TACR3: variants seen among roughly 807,000 people sequenced by gnomAD.
TACR3 encodes the protein tachykinin receptor 3.
A neutral mutation model predicts 35.0 loss-of-function variants in TACR3; 34 were observed. That is an observed-to-expected ratio of 0.97 (90% CI 0.74 to 1.30). The LOEUF is 1.30. TACR3 is among the 50% of genes most tolerant of loss of function. The probability of loss-of-function intolerance (pLI) is 0.00; values close to 1 mark genes in which losing one functional copy is unlikely to be tolerated. For missense variants in TACR3, 558 were observed against 591.7 expected (o/e 0.94, Z 0.59); for synonymous variants, 233 against 221.1 (o/e 1.05, Z -0.48).
At chr4:103,595,900 C>A (rs1320815557) in intron 3 of TACR3, among the ~76,000 whole-genome samples, 14 of 114,652 alleles carry the variant, frequency 1.2e-4, no homozygotes, top group African/African-American at 3.6e-4. Flanking sequence ...TCCCTCCCCC[C>A]TCCCCCCACC....
At chr4:103,597,436 G>T (rs1560799816) in intron 3 of TACR3, among the ~76,000 whole-genome samples, 1 of 152,012 alleles carries the variant, frequency 6.6e-6, no homozygotes, top group Non-Finnish European at 1.5e-5. Flanking sequence ...TGCTTGTTTT[G>T]ATTAGAATCC....
intron 3 of TACR3, among the ~76,000 whole-genome samples, chr4:103,630,901 T>C (rs1257199549): frequency 3.9e-5 from 6 of 152,166 alleles, no homozygotes; most frequent in Non-Finnish European, 7.3e-5. Context: ...CGTGGCACTA[T>C]TCACAATAGC....
intron 4 of TACR3, chr4:103,591,167 T>A: frequency 2.8e-6 from 1 of 356,838 alleles, no homozygotes; most frequent in East Asian, 5.8e-5. Context: ...ATATTTTCAA[T>A]TCTCCTTTAA....
At chr4:103,592,520 A>G (rs1408602709) in intron 3 of TACR3, among the ~76,000 whole-genome samples, 1 of 152,214 alleles carries the variant, frequency 6.6e-6, no homozygotes, top group African/African-American at 2.4e-5. Context: ...AGCATCTATC[A>G]CAGTCCTTGA....
At chr4:103,695,256 C>T (rs879728325) in intron 1 of TACR3, among the ~76,000 whole-genome samples, 18 of 152,060 alleles carry the variant, frequency 1.2e-4, no homozygotes, top group Non-Finnish European at 1.5e-4. Context: ...TCCACTTATA[C>T]GCGGATTGTT....
intron 3 of TACR3, among the ~76,000 whole-genome samples, chr4:103,614,884 G>GT (rs71580414): frequency 0.041 from 2,963 of 72,004 alleles, 977 homozygotes; most frequent in African/African-American, 0.077. Flanking sequence ...TTATGAATGT[G>GT]TTTTTTTTTT....
chr4:103,620,490 A>T (rs1172084852), intron 3 of TACR3, among the ~76,000 whole-genome samples: 1 of 152,242 alleles, frequency 6.6e-6, no homozygotes, highest in African/African-American at 2.4e-5. Flanking sequence ...AAGACATGTG[A>T]TCAACCCTGG....
intron 3 of TACR3, among the ~76,000 whole-genome samples, chr4:103,611,793 A>G (rs11722288): frequency 0.72 from 109,676 of 152,062 alleles, 39,934 homozygotes; most frequent in East Asian, 0.98. Flanking sequence ...AAGTGTCATC[A>G]TCATCTATCT....
chr4:103,609,087 G>A (rs180738562), intron 3 of TACR3, among the ~76,000 whole-genome samples: 4 of 152,068 alleles, frequency 2.6e-5, no homozygotes, highest in African/African-American at 7.2e-5. Context: ...GCTGCCTCTA[G>A]GGTGGCCAAA....
intron 3 of TACR3, among the ~76,000 whole-genome samples, chr4:103,641,772 A>G (rs905218612): frequency 6.6e-6 from 1 of 152,002 alleles, no homozygotes; most frequent in Non-Finnish European, 1.5e-5. Context: ...GCATATACAC[A>G]CAATGAAATA....
intron 2 of TACR3, among the ~76,000 whole-genome samples, chr4:103,657,206 C>T (rs992769316): frequency 1.4e-5 from 2 of 142,194 alleles, no homozygotes; most frequent in African/African-American, 2.9e-5. Context: ...GAACGGTCTT[C>T]TCCATACCAG....
In TACR3 at chr4:103,671,376, T is replaced by C. The variant is rs901848238; in HGVS notation, c.549-12973A>G. On this transcript the variant is annotated intron_variant, in intron 1 of 4. Coordinates refer to ENST00000304883, the MANE Select transcript of TACR3 (RefSeq NM_001059.3). ...TGAGTAGGATTGGTGTTAGCTTTTC[T>C]TTAAATGTTTGGTAGAATTAAGCAT... Among the ~76,000 whole-genome samples the C allele has an allele frequency of 2.4e-4, 36 of 152,056 alleles. 1 individual carries two copies. The highest frequency in any genetic ancestry group is 2.4e-5 in the African/African-American group (1 of 41,446).
intron 3 of TACR3, among the ~76,000 whole-genome samples, chr4:103,634,659 T>C (rs563099628): frequency 3.9e-5 from 6 of 152,202 alleles, no homozygotes; most frequent in African/African-American, 1.4e-4. Context: ...ATTTAACTTC[T>C]TCAACAATTG....
At chr4:103,688,044 A>G (rs1314478796) in intron 1 of TACR3, among the ~76,000 whole-genome samples, 2 of 152,200 alleles carry the variant, frequency 1.3e-5, no homozygotes, top group East Asian at 3.9e-4. Context: ...TGGTACCAAA[A>G]CAGAGATATA....
In TACR3 at chr4:103,670,292, T is replaced by A. The variant is rs751002108; in HGVS notation, c.549-11889A>T. ...ATTCCTCAAGTTTTGTTCTTTTTGC[T>A]CAGAATTACTTTGGCTATTTGGGAT... On this transcript the variant is annotated intron_variant, in intron 1 of 4. Transcript: ENST00000304883. 1.2e-3 allele frequency among the ~76,000 whole-genome samples: 181 copies of A among 152,088 alleles called. 1 individual carries two copies. The highest frequency in any genetic ancestry group is 4.4e-4 in the Non-Finnish European group (30 of 67,964).
At chr4:103,686,948 G>C (rs929775421) in intron 1 of TACR3, among the ~76,000 whole-genome samples, 1 of 152,106 alleles carries the variant, frequency 6.6e-6, no homozygotes, top group African/African-American at 2.4e-5. Flanking sequence ...AACCAAAAAA[G>C]AGAATTTTAG....
intron 1 of TACR3, among the ~76,000 whole-genome samples, chr4:103,669,961 A>G (rs1218716615): frequency 6.6e-6 from 1 of 151,904 alleles, no homozygotes; most frequent in Non-Finnish European, 1.5e-5. Context: ...TCTTACATAT[A>G]AGTCTTTAAT....
chr4:103,614,297 A>G (rs1355201219), intron 3 of TACR3, among the ~76,000 whole-genome samples: 1 of 152,168 alleles, frequency 6.6e-6, no homozygotes, highest in Non-Finnish European at 1.5e-5. Flanking sequence ...CTATTCAAGG[A>G]ATATCTATCA....
At chr4:103,617,613 T>C (rs570374645) in intron 3 of TACR3, among the ~76,000 whole-genome samples, 12 of 152,292 alleles carry the variant, frequency 7.9e-5, no homozygotes, top group Admixed American at 3.9e-4. Flanking sequence ...AACATAAGAA[T>C]TGGTGTATGC....
Sources: allele counts gnomAD v4.1 joint callset (sites outside exome capture counted in the v4.1 genomes callset), GRCh38; gene constraint gnomAD v4.1.1; transcripts MANE v1.5; gene names NCBI Gene and HGNC (gene_info 2026-07-23, HGNC 2026-07-21).